The following CTNNA3 variants were observed in gnomAD, a reference collection of about 807,000 sequenced individuals.
CTNNA3 encodes the protein catenin alpha 3.
CTNNA3 carries 76 observed loss-of-function variants against 95.7 expected under a neutral mutation model. The ratio of observed to expected loss-of-function variants is 0.79; its 90% CI spans 0.66 to 0.96. The LOEUF (loss-of-function observed/expected upper bound fraction) is 0.96, where lower values mean the gene tolerates loss of function less well. CTNNA3 is among the 40% of genes least tolerant of loss of function. The pLI is 0.00. For missense variants in CTNNA3, 1,191 were observed against 1,089.8 expected, an observed-to-expected ratio of 1.09 and a Z score of -1.31; for synonymous variants, 431 against 374.4, an observed-to-expected ratio of 1.15 and a Z score of -1.74.
intron 9 of CTNNA3, among the ~76,000 whole-genome samples, chr10:66,761,678 T>C (rs1269328369): frequency 1.3e-5 from 2 of 152,290 alleles, no homozygotes; most frequent in East Asian, 3.9e-4. Context: ...ATTTATTGAA[T>C]GTAATGGCAT....
chr10:67,758,701 A>G (rs566871934), intron 1 of CTNNA3, among the ~76,000 whole-genome samples: 2 of 152,154 alleles, frequency 1.3e-5, no homozygotes, highest in Non-Finnish European at 2.9e-5. Flanking sequence ...AATCAATTCA[A>G]TTCTATAAAT....
intron 17 of CTNNA3, among the ~76,000 whole-genome samples, chr10:65,929,060 G>A (rs1196047357): frequency 1.4e-5 from 2 of 141,862 alleles, no homozygotes; most frequent in African/African-American, 5.4e-5. Context: ...AGTGTGTGAT[G>A]TTCCCCTTCC....
chr10:66,123,769 G>A (rs996788333), intron 13 of CTNNA3, among the ~76,000 whole-genome samples: 1 of 152,154 alleles, frequency 6.6e-6, no homozygotes, highest in South Asian at 2.1e-4. Context: ...AGCTGACAAG[G>A]CTTGAGGCTT....
intron 13 of CTNNA3, among the ~76,000 whole-genome samples, chr10:66,223,859 G>A (rs1412581897): frequency 6.7e-6 from 1 of 148,802 alleles, no homozygotes; most frequent in African/African-American, 2.5e-5. Context: ...CCTTCACAAT[G>A]TGGTTGGGCA....
At chr10:65,922,123 G>C (rs2077096576) in intron 17 of CTNNA3, among the ~76,000 whole-genome samples, 1 of 152,072 alleles carries the variant, frequency 6.6e-6, no homozygotes, top group African/African-American at 2.4e-5. Context: ...GTTCTACCTT[G>C]CGTTTTTTCT....
intron 11 of CTNNA3, among the ~76,000 whole-genome samples, chr10:66,416,434 C>T (rs1027849069): frequency 9.2e-5 from 14 of 152,018 alleles, no homozygotes; most frequent in African/African-American, 3.4e-4. Context: ...GAGATTTAAA[C>T]ATCCAGATAC....
At chr10:66,972,195 T>C (rs1849759238) in intron 7 of CTNNA3, among the ~76,000 whole-genome samples, 2 of 152,216 alleles carry the variant, frequency 1.3e-5, no homozygotes, top group South Asian at 4.1e-4. Flanking sequence ...TTCACTGGAA[T>C]GAACAAAGAT....
intron 15 of CTNNA3, among the ~76,000 whole-genome samples, chr10:66,018,218 ACT>A (rs2079132761): frequency 2.0e-5 from 3 of 151,652 alleles, no homozygotes; most frequent in Admixed American, 6.6e-5. Context: ...ACACACACAC[ACT>A]ATTTTATTGG....
chr10:66,553,764 T>G lies in CTNNA3; in HGVS notation c.1375-32991A>C, dbSNP rs182890302. 2.6e-5 allele frequency among the ~76,000 whole-genome samples: 4 copies of G among 151,860 alleles called. No individual in the cohort carries two copies. In the East Asian group the frequency reaches 5.8e-4, roughly 22 times the overall value. On this transcript the variant is annotated intron_variant, in intron 10 of 17. Coordinates refer to ENST00000433211, the MANE Select transcript of CTNNA3 (RefSeq NM_013266.4). ...GGATGGTGTCAATCTCCTGACCTCG[T>G]GATCCACCTGCCTCAGCCTCCCAAA...
At chr10:67,171,976 T>C (rs1862041220) in intron 7 of CTNNA3, among the ~76,000 whole-genome samples, 1 of 152,164 alleles carries the variant, frequency 6.6e-6, no homozygotes, top group Non-Finnish European at 1.5e-5. Flanking sequence ...GGCCAGTACT[T>C]AGTCTCATAT....
At chr10:66,051,737 T>C (rs1017759251) in intron 15 of CTNNA3, among the ~76,000 whole-genome samples, 5 of 152,200 alleles carry the variant, frequency 3.3e-5, no homozygotes, top group African/African-American at 1.2e-4. Flanking sequence ...TTTATTCCTA[T>C]TTTTCTTGCA....
At chr10:66,508,180 G>GT (rs761851664) in intron 11 of CTNNA3, among the ~76,000 whole-genome samples, 48,663 of 114,474 alleles carry the variant, frequency 0.43, 9,532 homozygotes, top group Non-Finnish European at 0.5. Flanking sequence ...AGCAGCTCTT[G>GT]TTTTTTTTTT....
chr10:66,847,923 G>C (rs1843338455), intron 7 of CTNNA3, among the ~76,000 whole-genome samples: 1 of 152,136 alleles, frequency 6.6e-6, no homozygotes, highest in Non-Finnish European at 1.5e-5. Flanking sequence ...AAATGTCTTA[G>C]AGAGAGACTT....
chr10:67,200,721 C>T (rs1863607437), intron 6 of CTNNA3, among the ~76,000 whole-genome samples: 1 of 152,164 alleles, frequency 6.6e-6, no homozygotes, highest in Non-Finnish European at 1.5e-5. Flanking sequence ...TCCTCATTAA[C>T]TCCCTAAAGC....
At chr10:66,290,258 G>A (rs1286223649) in intron 12 of CTNNA3, among the ~76,000 whole-genome samples, 2 of 151,886 alleles carry the variant, frequency 1.3e-5, no homozygotes, top group Non-Finnish European at 1.5e-5. Context: ...TTAAAACAAG[G>A]CCAACAGGAG....
At chr10:66,111,527 G>A (rs558037310) in intron 13 of CTNNA3, among the ~76,000 whole-genome samples, 1 of 152,320 alleles carries the variant, frequency 6.6e-6, no homozygotes, top group East Asian at 1.9e-4. Flanking sequence ...TGCACGGCAT[G>A]GCCGTATGTA....
At chr10:66,832,140 G>T (rs1288696738) in intron 7 of CTNNA3, among the ~76,000 whole-genome samples, 4 of 152,082 alleles carry the variant, frequency 2.6e-5, no homozygotes, top group Non-Finnish European at 4.4e-5. Context: ...TCATATCAAA[G>T]ACATAATATT....
At chr10:67,762,374 T>TC (rs1238577460) in intron 1 of CTNNA3, among the ~76,000 whole-genome samples, 1,312 of 94,852 alleles carry the variant, frequency 0.014, 18 homozygotes, top group Middle Eastern at 0.018. Context: ...TGCTTTCCCC[T>TC]CCCCCCCCCA....
chr10:66,333,070 G>A (rs926306769), intron 12 of CTNNA3, among the ~76,000 whole-genome samples: 1 of 151,828 alleles, frequency 6.6e-6, no homozygotes, highest in Non-Finnish European at 1.5e-5. Flanking sequence ...GATCGGTGGT[G>A]ATATCCCCTT....
Sources: allele counts gnomAD v4.1 joint callset (sites outside exome capture counted in the v4.1 genomes callset), GRCh38; gene constraint gnomAD v4.1.1; transcripts MANE v1.5; gene names NCBI Gene and HGNC (gene_info 2026-07-23, HGNC 2026-07-21).